Variants in MYO6 observed in about 807,000 individuals in gnomAD.
The protein encoded by MYO6 is myosin VI.
Under a neutral mutation model 178.7 loss-of-function variants are expected in MYO6, and 74 were observed. The ratio of observed to expected loss-of-function variants is 0.41; its 90% CI spans 0.34 to 0.50. The LOEUF is 0.50. Among genes scored for constraint, MYO6 ranks in the 20% least tolerant of loss-of-function variants. The pLI, the probability that MYO6 is intolerant of heterozygous loss-of-function variation, is 0.09. For synonymous variants in MYO6, 477 were observed against 504.6 expected, an observed-to-expected ratio of 0.95 and a Z score of 0.73; for missense variants, 1,330 against 1,547.4, an observed-to-expected ratio of 0.86 and a Z score of 2.36.
At chr6:75,898,307 A>C in intron 29 of MYO6, 66 bp from the exon 30 acceptor site, 1 of 1,034,412 alleles carries the variant, frequency 9.7e-7, no homozygotes. Flanking sequence ...ATACTTTTAG[A>C]TCTTTTAATT....
chr6:75,892,833 A>T, intron 28 of MYO6, 143 bp downstream of exon 28: 1 of 851,166 alleles, frequency 1.2e-6, no homozygotes, highest in Non-Finnish European at 1.8e-6. Flanking sequence ...TTTTAAAATT[A>T]TTTGTATCGA....
chr6:75,866,479 A>G (rs933715448), intron 16 of MYO6, 47 bp from the exon 17 acceptor site: 7 of 1,396,206 alleles, frequency 5.0e-6, no homozygotes, highest in Non-Finnish European at 7.1e-6. Context: ...ATGATTATGT[A>G]ATATATTTTT....
rs780529870 is a variant in MYO6 at position 75,862,665 on chromosome 6, G to A, written c.1616G>A (p.Ser539Asn). 5 of 1,614,090 alleles carry A rather than the reference G, an allele frequency of 3.1e-6. No homozygotes were observed. Among genetic ancestry groups the A allele is most frequent in the Middle Eastern group, 1.7e-4 (1 of 6,060 alleles). Residue 539 changes from serine (S) to asparagine (N), a missense_variant, in exon 16 of 35, where the codon AGT becomes AAT. By Grantham distance (46) the Ser-to-Asn change is conservative. Coordinates refer to ENST00000369977, the MANE Select transcript of MYO6 (RefSeq NM_004999.4). ...LDEENRLPQP[S>N]DQHFTSAVHQ... ...GAAGAAAATCGCCTTCCCCAGCCAA[G>A]TGATCAACACTTTACATCTGCAGTT...
At chr6:75,784,591 G>C (rs1767324334) in intron 1 of MYO6, among the ~76,000 whole-genome samples, 1 of 151,612 alleles carries the variant, frequency 6.6e-6, no homozygotes, top group Non-Finnish European at 1.5e-5. Context: ...GGCTAACATG[G>C]TGAAACCCCG....
At chr6:75,810,489 T>G (rs1344306620) in intron 1 of MYO6, among the ~76,000 whole-genome samples, 1 of 152,224 alleles carries the variant, frequency 6.6e-6, no homozygotes, top group Non-Finnish European at 1.5e-5. Context: ...TATTTGTCAG[T>G]TGTGCCTAAA....
chr6:75,801,870 G>A (rs2150119501), intron 1 of MYO6, among the ~76,000 whole-genome samples: 1 of 152,140 alleles, frequency 6.6e-6, no homozygotes, highest in African/African-American at 2.4e-5. Flanking sequence ...GAACCTGGAA[G>A]GTGGAGGTTG....
At chr6:75,765,627 A>G (rs891319345) in intron 1 of MYO6, among the ~76,000 whole-genome samples, 1 of 152,140 alleles carries the variant, frequency 6.6e-6, no homozygotes, top group African/African-American at 2.4e-5. Context: ...ATGTGCATCT[A>G]GTCCCACCTA....
At position 75,788,260 on chromosome 6, in the gene MYO6, AG is replaced by A. The variant is rs960716010; in HGVS notation, c.-47-29239del. On this transcript the variant is annotated intron_variant, in intron 1 of 34. Coordinates refer to ENST00000369977, the MANE Select transcript of MYO6 (RefSeq NM_004999.4). ...GTGCTTGTGGTCCCAGCTACTTGGA[AG>A]GCTGAGGCATAAGAATCACTTGAAC... Among the ~76,000 whole-genome samples the A allele has an allele frequency of 4.6e-5, 7 of 152,084 alleles. No individual in the cohort carries two copies. In the East Asian group the frequency reaches 1.4e-3, roughly 29 times the overall value.
At chr6:75,845,028 C>T (rs1774593088) in intron 10 of MYO6, 51 bp downstream of exon 10, 1 of 1,401,756 alleles carries the variant, frequency 7.1e-7, no homozygotes, top group Non-Finnish European at 1.0e-6. Context: ...AAAACTCATG[C>T]TGAAAGATGT....
intron 1 of MYO6, among the ~76,000 whole-genome samples, chr6:75,815,534 A>G (rs955558303): frequency 2.0e-5 from 3 of 152,092 alleles, no homozygotes; most frequent in African/African-American, 4.8e-5. Flanking sequence ...GTATAGATGT[A>G]TGTGTGGTAA....
At chr6:75,759,500 C>T (rs564472084) in intron 1 of MYO6, among the ~76,000 whole-genome samples, 20 of 151,964 alleles carry the variant, frequency 1.3e-4, no homozygotes, top group African/African-American at 4.6e-4. Flanking sequence ...GGGAGGTTCC[C>T]TGATCTCTCT....
chr6:75,813,348 C>T lies in MYO6; in HGVS notation c.-47-4153C>T, dbSNP rs183980221. ...ATGGCAAGTACAGCCTGGCTACTGC[C>T]GATGTTCACTCAAGGCCCAAGAGTT... On this transcript the variant is annotated intron_variant, in intron 1 of 34. Coordinates refer to ENST00000369977, the MANE Select transcript of MYO6 (RefSeq NM_004999.4). Among the ~76,000 whole-genome samples the T allele has an allele frequency of 7.2e-5, 11 of 152,222 alleles. No individual in the cohort carries two copies. The South Asian group carries it at 1.5e-3, about 20-fold the overall frequency.
At chr6:75,763,732 G>A (rs1183281846) in intron 1 of MYO6, among the ~76,000 whole-genome samples, 1 of 152,114 alleles carries the variant, frequency 6.6e-6, no homozygotes, top group Non-Finnish European at 1.5e-5. Context: ...TTAGGTAAAT[G>A]CTAGAGTTCT....
At chr6:75,888,284 A>C (rs952477436) in intron 25 of MYO6, among the ~76,000 whole-genome samples, 1 of 151,842 alleles carries the variant, frequency 6.6e-6, no homozygotes, top group African/African-American at 2.4e-5. Context: ...TACGTCTAAA[A>C]ATAAATAAAT....
At chr6:75,823,224 TC>T (rs1220843419) in intron 3 of MYO6, among the ~76,000 whole-genome samples, 1 of 152,152 alleles carries the variant, frequency 6.6e-6, no homozygotes. Context: ...TCAGTAGGAG[TC>T]ATTTAACATC....
rs186838092 is a variant in MYO6 at position 75,863,432 on chromosome 6, G to A, written c.1674+709G>A. Among the ~76,000 whole-genome samples the A allele has an allele frequency of 5.9e-5, 9 of 152,234 alleles. No homozygotes were observed. The East Asian group carries it at 1.5e-3, about 26-fold the overall frequency. On this transcript the variant is annotated intron_variant, in intron 16 of 34. Transcript: ENST00000369977. ...TAAAGAGAAAAGCAGACAGACAGCA[G>A]TAGAAACAAATGAGAGGTGCACTCT...
intron 1 of MYO6, among the ~76,000 whole-genome samples, chr6:75,806,672 T>G (rs1167977974): frequency 6.6e-6 from 1 of 152,200 alleles, no homozygotes; most frequent in East Asian, 1.9e-4. Flanking sequence ...TTAAAGACAT[T>G]CTTAAGCCAC....
rs201692413 is a variant in MYO6, at chr6:75,845,018, A to T, written c.897+41A>T. On this transcript the variant is annotated intron_variant, in intron 10 of 34. Transcript: ENST00000369977. The stretch of plus-strand genomic sequence containing the variant: ...GTTCATAAAATCTTTAACTTAAAAA[A>T]AAACTCATGCTGAAAGATGTGTTAT... 8.8e-6 allele frequency: 13 copies of T among 1,483,242 alleles called. No homozygotes were observed. In the East Asian group the frequency reaches 9.1e-5, roughly 10 times the overall value. 91.9% of individuals were successfully genotyped at this position (1,483,242 alleles called of 1,614,324 possible). A position where few individuals can be genotyped will look rare whatever the true frequency, so the allele number is the denominator to read the frequency against.
intron 1 of MYO6, among the ~76,000 whole-genome samples, chr6:75,771,011 T>C (rs1488438525): frequency 6.6e-6 from 1 of 151,850 alleles, no homozygotes; most frequent in Non-Finnish European, 1.5e-5. Flanking sequence ...TCTTTTTTTT[T>C]TTTTCCCCCC....
Sources: gnomAD v4.1 joint callset for allele counts (sites outside exome capture counted in the v4.1 genomes callset) on GRCh38, gnomAD v4.1.1 for gene constraint, MANE v1.5 for transcripts, NCBI Gene and HGNC (gene_info 2026-07-23, HGNC 2026-07-21) for gene names.